Variants in ALDH5A1 observed in about 807,000 individuals in gnomAD.
ALDH5A1 encodes the protein succinate-semialdehyde dehydrogenase, mitochondrial.
A neutral mutation model predicts 54.7 loss-of-function variants in ALDH5A1; 33 were observed. That is an observed-to-expected ratio of 0.60 (90% CI 0.46 to 0.81). The LOEUF (loss-of-function observed/expected upper bound fraction) is 0.81. Ranked by LOEUF, ALDH5A1 falls within the 30% of genes least tolerant of loss-of-function variation. ALDH5A1 has a pLI of 0.00. For synonymous variants in ALDH5A1, 294 were observed against 292.7 expected (o/e 1.00, Z -0.05); for missense variants, 657 against 711.0 (o/e 0.92, Z 0.86).
At chr6:24,523,734 G>A (rs921663269) in intron 7 of ALDH5A1, among the ~76,000 whole-genome samples, 46 of 152,210 alleles carry the variant, frequency 3.0e-4, no homozygotes, top group African/African-American at 1.0e-3. Flanking sequence ...TTCTCTTGAT[G>A]ACAAAATCCC....
rs927677833 is a variant in ALDH5A1 at position 24,520,616 on chromosome 6, T to TGA, written c.1014+73_1014+74dup. 3.2e-6 allele frequency: 5 copies of TGA among 1,544,744 alleles called. No homozygotes were observed. The South Asian group carries it at 3.4e-5, about 10-fold the overall frequency. On this transcript the variant is annotated intron_variant, in intron 6 of 9. Transcript: ENST00000357578. ...GTGAGTGTGTGTATGTGTGTGTGTG[T>TGA]GATATGTGTGCATGTGAGTGTGTGT... is the stretch of plus-strand genomic sequence containing the variant.
At chr6:24,516,929 A>G (rs536533260) in intron 5 of ALDH5A1, among the ~76,000 whole-genome samples, 1 of 152,360 alleles carries the variant, frequency 6.6e-6, no homozygotes, top group Admixed American at 6.5e-5. Context: ...GCCTCAAAAA[A>G]TAATAAAAAT....
intron 4 of ALDH5A1, among the ~76,000 whole-genome samples, chr6:24,510,177 T>C (rs1199008807): frequency 6.6e-6 from 1 of 152,196 alleles, no homozygotes; most frequent in Non-Finnish European, 1.5e-5. Flanking sequence ...GTGCTTGATA[T>C]AATTTCAATT....
intron 9 of ALDH5A1, 68 bp from the exon 10 acceptor site, chr6:24,533,439 T>C (rs895283161): frequency 1.2e-5 from 19 of 1,528,404 alleles, no homozygotes; most frequent in Non-Finnish European, 5.4e-6. Context: ...AATGGTGCCC[T>C]CATCTTTAGG....
At chr6:24,506,243 CTTTTTTTTTTTTTT>C (rs70974913) in intron 4 of ALDH5A1, among the ~76,000 whole-genome samples, 19 of 52,160 alleles carry the variant, frequency 3.6e-4, no homozygotes, top group Non-Finnish European at 5.5e-4. Context: ...TTCCTGGTTC[CTTTTTTTTTTTTTT>C]TTTTTTTTTT....
chr6:24,504,677 C>T (rs547284143), intron 3 of ALDH5A1, among the ~76,000 whole-genome samples, 192 bp from the exon 4 acceptor site: 2 of 152,306 alleles, frequency 1.3e-5, no homozygotes, highest in East Asian at 1.9e-4. Flanking sequence ...TTCCTGTCTT[C>T]AAGAGCCTTT....
chr6:24,520,146 C>A (rs186851557), intron 5 of ALDH5A1, among the ~76,000 whole-genome samples: 1 of 152,022 alleles, frequency 6.6e-6, no homozygotes, highest in African/African-American at 2.4e-5. Context: ...TCAAGTAATC[C>A]TCCCACTTCA....
At chr6:24,515,072 T>C in intron 4 of ALDH5A1, 95 bp from the exon 5 acceptor site, 1 of 1,367,804 alleles carries the variant, frequency 7.3e-7, no homozygotes, top group Non-Finnish European at 1.0e-6. Flanking sequence ...CCATTACTTT[T>C]TGGGTTAAGT....
chr6:24,528,827 G>A (rs887605719), intron 8 of ALDH5A1, among the ~76,000 whole-genome samples: 22 of 148,602 alleles, frequency 1.5e-4, no homozygotes, highest in African/African-American at 4.2e-4. Context: ...ACAGGCACGC[G>A]CACCATGCCT....
At chr6:24,521,509 C>T (rs1759681558) in intron 6 of ALDH5A1, among the ~76,000 whole-genome samples, 1 of 152,138 alleles carries the variant, frequency 6.6e-6, no homozygotes, top group Admixed American at 6.5e-5. Context: ...TAAATGCATT[C>T]TAGAAACAGA....
In ALDH5A1 at chr6:24,499,584, A is replaced by G. The variant is rs1316685249; in HGVS notation, c.355-2939A>G. ...ATTGGCTCACTGCAGCCTCAAACTC[A>G]TAGGCCTAAGCGATTCCCCCACCTC... On this transcript the variant is annotated intron_variant, in intron 1 of 9. Coordinates refer to ENST00000357578, the MANE Select transcript of ALDH5A1 (RefSeq NM_001080.3). 1.3e-5 allele frequency among the ~76,000 whole-genome samples: 2 copies of G among 151,346 alleles called. 1 individual carries two copies.
chr6:24,496,238 AAAG>A (rs1325106657), intron 1 of ALDH5A1, among the ~76,000 whole-genome samples: 1 of 152,176 alleles, frequency 6.6e-6, no homozygotes, highest in Non-Finnish European at 1.5e-5. Context: ...CAGTTAAACG[AAAG>A]AAGGATTCTG....
intron 8 of ALDH5A1, 182 bp from the exon 9 acceptor site, chr6:24,531,937 G>A: frequency 1.5e-6 from 1 of 666,306 alleles, no homozygotes; most frequent in Non-Finnish European, 2.7e-6. Context: ...GAGCATGCTA[G>A]CCTTAATCGC....
At chr6:24,521,890 AGAGTCTCACTCTGTT>A (rs1759691305) in intron 6 of ALDH5A1, among the ~76,000 whole-genome samples, 1 of 132,002 alleles carries the variant, frequency 7.6e-6, no homozygotes, top group Non-Finnish European at 1.6e-5. Flanking sequence ...TTTGTGTGAC[AGAGTCTCACTCTGTT>A]GCCCAGGCTG....
intron 8 of ALDH5A1, among the ~76,000 whole-genome samples, chr6:24,531,465 C>T (rs767035992): frequency 2.0e-5 from 3 of 152,154 alleles, no homozygotes; most frequent in Non-Finnish European, 2.9e-5. Context: ...CTTTGCAAGC[C>T]CTGCAGAGAG....
intron 1 of ALDH5A1, among the ~76,000 whole-genome samples, chr6:24,499,621 TA>T (rs1381035423): frequency 6.6e-6 from 1 of 151,672 alleles, no homozygotes; most frequent in East Asian, 1.9e-4. Context: ...GCCTTCTGAG[TA>T]GCTGGGACCA....
At position 24,534,021 on chromosome 6, in the gene ALDH5A1, C is replaced by T. The variant is rs1168005715; in HGVS notation, c.*309C>T. ...AGGCACAGCACAAGGCAGGCCCAGC[C>T]CCATGGGCCGTCACAAAGGCTTGAT... On this transcript the variant is annotated 3_prime_UTR_variant, in exon 10 of 10. Coordinates refer to ENST00000357578, the MANE Select transcript of ALDH5A1 (RefSeq NM_001080.3). 3 of 356,054 alleles carry T rather than the reference C, an allele frequency of 8.4e-6. No homozygotes were observed. The highest frequency in any genetic ancestry group is 1.6e-5 in the Non-Finnish European group (3 of 187,548). The allele number at this position is 356,054 out of a possible 1,614,324, so 22.1% of individuals were successfully genotyped here.
intron 7 of ALDH5A1, among the ~76,000 whole-genome samples, chr6:24,524,598 C>T (rs920576998): frequency 6.6e-6 from 1 of 152,140 alleles, no homozygotes; most frequent in Non-Finnish European, 1.5e-5. Flanking sequence ...AGGGAAGCCT[C>T]GAGGTTTGAC....
chr6:24,516,990 C>A (rs1759587508), intron 5 of ALDH5A1, among the ~76,000 whole-genome samples: 2 of 151,942 alleles, frequency 1.3e-5, no homozygotes, highest in Non-Finnish European at 2.9e-5. Flanking sequence ...TTTTAGAAAC[C>A]ATGAGAAGCA....
Sources: allele counts gnomAD v4.1 joint callset (sites outside exome capture counted in the v4.1 genomes callset), GRCh38; gene constraint gnomAD v4.1.1; transcripts MANE v1.5; gene names NCBI Gene and HGNC (gene_info 2026-07-23, HGNC 2026-07-21).